Variants in DNER observed in about 807,000 individuals in gnomAD.
DNER encodes delta and Notch-like epidermal growth factor-related receptor.
DNER carries 33 observed loss-of-function variants against 78.2 expected under a neutral mutation model. That is an observed-to-expected ratio of 0.42 (90% CI 0.32 to 0.56). The LOEUF (loss-of-function observed/expected upper bound fraction) is 0.56, where lower values mean the gene tolerates loss of function less well. Among genes scored for constraint, DNER ranks in the 20% least tolerant of loss-of-function variants. DNER has a pLI of 0.11. For synonymous variants in DNER, 417 were observed against 384.8 expected, an observed-to-expected ratio of 1.08 and a Z score of -0.98; for missense variants, 918 against 975.3, an observed-to-expected ratio of 0.94 and a Z score of 0.78.
Position 229,714,400 on chromosome 2 carries a change from C to T in DNER, c.24G>A (p.Ala8=). The change falls in exon 1 of 13, where the codon GCG becomes GCA. Residue 8 remains alanine, a synonymous_variant. Coordinates refer to ENST00000341772, the MANE Select transcript of DNER (RefSeq NM_139072.4). The stretch of plus-strand genomic sequence containing the variant: ...GCGCGGGCAGCAGCTGCGCACCGGG[C>T]GCCTGGGCGCGGCGGGGCTGCATGG... The part of the protein sequence containing the change: MQPRRAQ[A]PGAQLLPALA... The T allele has an allele frequency of 8.5e-7, 1 of 1,174,348 alleles. No homozygotes were observed. Among genetic ancestry groups the T allele is most frequent in the African/African-American group, 1.6e-5 (1 of 61,838 alleles). The allele number at this position is 1,174,348 out of a possible 1,614,324, so 72.7% of individuals were successfully genotyped here. A position where few individuals can be genotyped will look rare whatever the true frequency, so the allele number is the denominator to read the frequency against.
At chr2:229,601,344 T>C (rs1468931305) in intron 1 of DNER, among the ~76,000 whole-genome samples, 2 of 152,030 alleles carry the variant, frequency 1.3e-5, no homozygotes, top group Non-Finnish European at 2.9e-5. Flanking sequence ...TAAAAAAAAA[T>C]CACTATAGTG....
chr2:229,492,960 C>G (rs1282506845), intron 6 of DNER, among the ~76,000 whole-genome samples: 1 of 152,168 alleles, frequency 6.6e-6, no homozygotes, highest in Admixed American at 6.5e-5. Flanking sequence ...CCTGAGCCAC[C>G]ACACCCAGCC....
intron 6 of DNER, among the ~76,000 whole-genome samples, chr2:229,482,381 T>C (rs1332588001): frequency 1.3e-5 from 2 of 152,196 alleles, no homozygotes; most frequent in African/African-American, 4.8e-5. Context: ...CATATCCTAT[T>C]ACTCCTTACT....
At chr2:229,698,382 GCATA>G (rs1188939735) in intron 1 of DNER, among the ~76,000 whole-genome samples, 1 of 152,106 alleles carries the variant, frequency 6.6e-6, no homozygotes, top group Non-Finnish European at 1.5e-5. Flanking sequence ...AAACAATCAA[GCATA>G]CTCACATACT....
intron 9 of DNER, among the ~76,000 whole-genome samples, chr2:229,409,826 G>T (rs553869965): frequency 1.3e-5 from 2 of 152,236 alleles, no homozygotes; most frequent in African/African-American, 4.8e-5. Context: ...GAGCACTTTG[G>T]TGACTCACAT....
chr2:229,657,699 G>A (rs188753957), intron 1 of DNER, among the ~76,000 whole-genome samples: 9 of 152,304 alleles, frequency 5.9e-5, no homozygotes, highest in African/African-American at 2.2e-4. Context: ...TTGGAAACAT[G>A]ACCTCTTTCA....
chr2:229,391,438 A>G (rs2106337482), intron 10 of DNER, among the ~76,000 whole-genome samples: 1 of 151,564 alleles, frequency 6.6e-6, no homozygotes, highest in Admixed American at 6.6e-5. Flanking sequence ...TTCTTAAACC[A>G]CTGTTCTTGA....
intron 11 of DNER, among the ~76,000 whole-genome samples, chr2:229,386,089 A>G (rs979219412): frequency 6.6e-6 from 1 of 152,222 alleles, no homozygotes; most frequent in African/African-American, 2.4e-5. Flanking sequence ...AGCTACAGTA[A>G]CCAAAACAGC....
chr2:229,667,472 C>T (rs913177229), intron 1 of DNER, among the ~76,000 whole-genome samples: 1 of 129,604 alleles, frequency 7.7e-6, no homozygotes, highest in Non-Finnish European at 1.7e-5. Context: ...TTATTGGGAG[C>T]AAATAGACAT....
intron 9 of DNER, among the ~76,000 whole-genome samples, chr2:229,407,892 T>C (rs1022919508): frequency 7.2e-5 from 11 of 152,188 alleles, no homozygotes; most frequent in Non-Finnish European, 5.9e-5. Context: ...ATGAGACAAT[T>C]ATCCTTATTC....
intron 10 of DNER, among the ~76,000 whole-genome samples, chr2:229,398,582 C>T (rs1215904273): frequency 5.9e-5 from 9 of 152,144 alleles, no homozygotes; most frequent in South Asian, 4.1e-4. Context: ...TTTGTGTCTA[C>T]GTTCATATTA....
chr2:229,487,863 A>C (rs980196676), intron 6 of DNER, among the ~76,000 whole-genome samples: 10 of 152,276 alleles, frequency 6.6e-5, no homozygotes, highest in African/African-American at 2.4e-4. Context: ...CAAGGCAGGC[A>C]CATGTGCATG....
chr2:229,573,342 T>TGC (rs1559171045), intron 4 of DNER, among the ~76,000 whole-genome samples: 19 of 151,596 alleles, frequency 1.3e-4, no homozygotes, highest in Non-Finnish European at 2.9e-5. Flanking sequence ...CAAGACAGCA[T>TGC]TTTCAAAATG....
intron 1 of DNER, among the ~76,000 whole-genome samples, chr2:229,630,120 A>G (rs1411390988): frequency 6.6e-6 from 1 of 152,190 alleles, no homozygotes; most frequent in East Asian, 1.9e-4. Context: ...AGCAGAATTT[A>G]TTCATTCATT....
intron 6 of DNER, among the ~76,000 whole-genome samples, chr2:229,505,574 G>A (rs1411653419): frequency 6.6e-6 from 1 of 152,146 alleles, no homozygotes; most frequent in Non-Finnish European, 1.5e-5. Context: ...TGAGACAGAT[G>A]ACAGGAGAGC....
intron 1 of DNER, among the ~76,000 whole-genome samples, chr2:229,599,050 A>G (rs778621087): frequency 6.6e-6 from 1 of 152,062 alleles, no homozygotes; most frequent in Non-Finnish European, 1.5e-5. Context: ...GCTTGAGGAA[A>G]CCAAATGTGA....
chr2:229,693,478 G>A (rs949378581), intron 1 of DNER, among the ~76,000 whole-genome samples: 6 of 151,984 alleles, frequency 3.9e-5, no homozygotes, highest in Admixed American at 3.3e-4. Flanking sequence ...CCATTTGGAG[G>A]GCTCAGAAGA....
intron 5 of DNER, among the ~76,000 whole-genome samples, chr2:229,534,672 T>C (rs755014241): frequency 6.6e-6 from 1 of 152,242 alleles, no homozygotes; most frequent in Non-Finnish European, 1.5e-5. Flanking sequence ...CCAGCTGTCT[T>C]CTTTTAAAAC....
At chr2:229,536,295 T>A (rs1696404089) in intron 5 of DNER, among the ~76,000 whole-genome samples, 1 of 152,124 alleles carries the variant, frequency 6.6e-6, no homozygotes, top group Non-Finnish European at 1.5e-5. Flanking sequence ...ACATGAAACA[T>A]CAGGGCAGCA....
Sources: gnomAD v4.1 joint callset for allele counts (sites outside exome capture counted in the v4.1 genomes callset) on GRCh38, gnomAD v4.1.1 for gene constraint, MANE v1.5 for transcripts, NCBI Gene and HGNC (gene_info 2026-07-23, HGNC 2026-07-21) for gene names.